The following NF1 variants were observed in gnomAD, a reference collection of about 807,000 sequenced individuals.
The protein encoded by NF1 is neurofibromin.
A neutral mutation model predicts 325.7 loss-of-function variants in NF1; 122 were observed. The observed-to-expected ratio is 0.37, with a 90% confidence interval of 0.32 to 0.44. The LOEUF is 0.44. Among genes scored for constraint, NF1 ranks in the 20% least tolerant of loss-of-function variants. The probability of loss-of-function intolerance (pLI) is 1.00; values close to 1 mark genes in which losing one functional copy is unlikely to be tolerated. For synonymous variants in NF1, 1,091 were observed against 1,186.0 expected (o/e 0.92, Z 1.65); for missense variants, 2,140 against 3,415.4 (o/e 0.63, Z 9.31).
intron 51 of NF1, chr17:31,356,014 C>T (rs1210208526): frequency 6.5e-6 from 1 of 154,472 alleles, no homozygotes; most frequent in Non-Finnish European, 1.4e-5. Flanking sequence ...TAAAATCAAA[C>T]TCTGCTTTCT....
chr17:31,341,206 T>A (rs946686763), intron 47 of NF1, among the ~76,000 whole-genome samples: 8 of 152,270 alleles, frequency 5.3e-5, no homozygotes, highest in African/African-American at 9.6e-5. Flanking sequence ...CTAGTTTTTT[T>A]ATTCTGTCTA....
chr17:31,180,414 T>C (rs142226971), intron 5 of NF1, among the ~76,000 whole-genome samples: 2 of 152,182 alleles, frequency 1.3e-5, no homozygotes, highest in Non-Finnish European at 2.9e-5. Flanking sequence ...GTTGGCTTCA[T>C]CCCTGGGATG....
intron 11 of NF1, among the ~76,000 whole-genome samples, chr17:31,202,090 G>A (rs1331571153): frequency 6.6e-6 from 1 of 152,148 alleles, no homozygotes; most frequent in East Asian, 1.9e-4. Flanking sequence ...AAAGGTACTT[G>A]CGAAACCTTC....
chr17:31,246,762 G>A (rs1172546173), intron 29 of NF1, among the ~76,000 whole-genome samples: 1 of 152,156 alleles, frequency 6.6e-6, no homozygotes, highest in Non-Finnish European at 1.5e-5. Flanking sequence ...GAGAAAAAAT[G>A]ACACCCAGAG....
chr17:31,335,290 A>ATATATATATATATATATATATATATATG lies in NF1; in HGVS notation c.6006+265_6006+266insTATATATATATATATATATATGTATATA, dbSNP rs371429803. Among the ~76,000 whole-genome samples the ATATATATATATATATATATATATATATG allele has an allele frequency of 4.8e-3, 345 of 71,568 alleles. 104 individuals are homozygous for ATATATATATATATATATATATATATATG. The highest frequency in any genetic ancestry group is 9.8e-3 in the South Asian group (19 of 1,932). 47.0% of individuals were successfully genotyped at this position (71,568 alleles called of 152,430 possible). On this transcript the variant is annotated intron_variant, in intron 40 of 57. Coordinates refer to ENST00000358273, the MANE Select transcript of NF1 (RefSeq NM_001042492.3). ...AAGGCATAATTATATATATATATATATATATAATTATGCCTTGAAGGAGAC... is the reference window on the plus strand; with the variant it reads ...AAGGCATAATTATATATATATATATATATATATATATATATATATATATATATGTATATAATTATGCCTTGAAGGAGAC...
intron 29 of NF1, among the ~76,000 whole-genome samples, chr17:31,239,181 G>A (rs2067252543): frequency 6.6e-6 from 1 of 152,176 alleles, no homozygotes; most frequent in Non-Finnish European, 1.5e-5. Context: ...GGGCTTTCAT[G>A]GAAAATGGAC....
intron 1 of NF1, among the ~76,000 whole-genome samples, chr17:31,120,577 C>T (rs1020233083): frequency 2.6e-5 from 4 of 152,114 alleles, no homozygotes; most frequent in African/African-American, 9.7e-5. Flanking sequence ...TTCATCTTTT[C>T]CTATTCAAAT....
intron 30 of NF1, 25 bp from the exon 31 acceptor site, chr17:31,252,913 G>C (rs1370808089): frequency 6.2e-7 from 1 of 1,605,280 alleles, no homozygotes; most frequent in South Asian, 1.1e-5. Context: ...GCTGTGACTT[G>C]TTTGTGCTCA....
chr17:31,356,718 C>T (rs1597866043), intron 52 of NF1, 136 bp downstream of exon 52: 3 of 1,289,062 alleles, frequency 2.3e-6, no homozygotes, highest in Non-Finnish European at 3.2e-6. Flanking sequence ...AAAAGATAAA[C>T]TCTACCATTC....
At chr17:31,298,777 G>A (rs184367114) in intron 36 of NF1, among the ~76,000 whole-genome samples, 563 of 152,110 alleles carry the variant, frequency 3.7e-3, no homozygotes, top group Non-Finnish European at 6.5e-3. Flanking sequence ...GTGGAAATAG[G>A]GAATGCATTG....
rs201289884 is a variant in NF1 at position 31,360,723 on chromosome 17, A to G, written c.8377+20A>G. 21 of 1,587,692 alleles carry G rather than the reference A, an allele frequency of 1.3e-5. No individual in the cohort carries two copies. The Middle Eastern group carries it at 5.0e-4, about 38-fold the overall frequency. On this transcript the variant is annotated intron_variant, in intron 57 of 57. Transcript: ENST00000358273. The stretch of plus-strand genomic sequence containing the variant: ...CCCCAGGTCAGTAAATGTGATCTTT[A>G]TATGACTTTGAGCAACAATATAAGA...
At chr17:31,200,655 A>C in intron 9 of NF1, 60 bp downstream of exon 9, 1 of 1,548,772 alleles carries the variant, frequency 6.5e-7, no homozygotes, top group South Asian at 1.1e-5. Flanking sequence ...ATTTTCTAGC[A>C]TAAGTATTAT....
chr17:31,293,208 A>AAAAAAAAAAAAAAAAAAAAAAC (rs2068385302), intron 36 of NF1, among the ~76,000 whole-genome samples: 1 of 138,534 alleles, frequency 7.2e-6, no homozygotes, highest in African/African-American at 2.9e-5. Context: ...AAAAAAAAAA[A>AAAAAAAAAAAAAAAAAAAAAAC]AAAGAAACCT....
At chr17:31,319,912 A>G (rs2151529214) in intron 36 of NF1, among the ~76,000 whole-genome samples, 1 of 152,276 alleles carries the variant, frequency 6.6e-6, no homozygotes, top group East Asian at 1.9e-4. Flanking sequence ...ATAGAGCATC[A>G]GGATCTTGAT....
chr17:31,206,330 G>C lies in NF1; in HGVS notation c.1351G>C (p.Val451Leu), dbSNP rs2143914884. Residue 451 changes from valine (V) to leucine (L), a missense_variant, in exon 12 of 58, where the codon GTG becomes CTG. By Grantham distance (32) the Val-to-Leu change is conservative. Around this residue, in one of 10 missense-constraint regions of NF1, gnomAD observed 179 missense variants for 381.0 expected, o/e 0.47. Coordinates refer to ENST00000358273, the MANE Select transcript of NF1 (RefSeq NM_001042492.3). The stretch of plus-strand genomic sequence containing the variant: ...GTTTGGTGAAACACTTCATAAAGCA[G>C]TGCAAGGTTGTGGAGCACACCCAGC... ...NMFGETLHKAVQGCGAHPAIR... is the reference protein window; with the variant it reads ...NMFGETLHKALQGCGAHPAIR... The C allele has an allele frequency of 6.2e-7, 1 of 1,613,808 alleles. No homozygotes were observed. Among genetic ancestry groups the C allele is most frequent in the Non-Finnish European group, 8.5e-7 (1 of 1,179,764 alleles).
intron 36 of NF1, among the ~76,000 whole-genome samples, chr17:31,289,167 G>T (rs1399432786): frequency 1.3e-5 from 2 of 152,172 alleles, no homozygotes; most frequent in Admixed American, 6.5e-5. Flanking sequence ...AGGGAGAGAG[G>T]ACATGCAGCA....
chr17:31,295,035 T>G (rs1231477298), intron 36 of NF1: 1 of 1,614,084 alleles, frequency 6.2e-7, no homozygotes, highest in East Asian at 2.2e-5. Context: ...ACCACAACAT[T>G]GAGCAATAAG....
chr17:31,263,093 A>G (rs1174802298), intron 35 of NF1, among the ~76,000 whole-genome samples: 3 of 101,366 alleles, frequency 3.0e-5, no homozygotes, highest in African/African-American at 7.4e-5. Flanking sequence ...GTAGGTAGGT[A>G]GGTAGGTAGG....
Position 31,374,409 on chromosome 17 carries a change from A to G in NF1, c.*254A>G, listed in dbSNP as rs1597883367. The G allele has an allele frequency of 7.7e-6, 4 of 522,758 alleles. No homozygotes were observed. In the East Asian group the frequency reaches 1.0e-4, roughly 13 times the overall value. 32.4% of individuals were successfully genotyped at this position (522,758 alleles called of 1,614,324 possible). On this transcript the variant is annotated 3_prime_UTR_variant, in exon 58 of 58. Transcript: ENST00000358273. ...TATGTAAGTGTTCAGAACAACTGCA[A>G]AGAAAGTGGGAGGTCAGGAAACTTT...
Sources: allele counts gnomAD v4.1 joint callset (sites outside exome capture counted in the v4.1 genomes callset), GRCh38; gene constraint gnomAD v4.1.1; regional missense constraint gnomAD v4.1.1; transcripts MANE v1.5; gene names NCBI Gene and HGNC (gene_info 2026-07-23, HGNC 2026-07-21).